LRRC37A2: variants seen among roughly 807,000 people sequenced by gnomAD.
LRRC37A2 encodes leucine rich repeat containing 37 member A2.
LRRC37A2 carries 9 observed loss-of-function variants against 68.8 expected under a neutral mutation model. That is an observed-to-expected ratio of 0.13 (90% confidence interval 0.08 to 0.23). The LOEUF is 0.23. Among genes scored for constraint, LRRC37A2 ranks in the 10% least tolerant of loss-of-function variants. The pLI is 1.00. For missense variants in LRRC37A2, 168 were observed against 950.4 expected (o/e 0.18, Z 10.82); for synonymous variants, 63 against 367.6 (o/e 0.17, Z 9.48).
the LRRC37A2 span, among the ~76,000 whole-genome samples, chr17:46,841,001 C>T: frequency 6.6e-6 from 1 of 152,126 alleles, no homozygotes; most frequent in African/African-American, 2.4e-5. Context: ...CTTTCCTGTG[C>T]CCCTGTGTCA....
chr17:46,935,690 G>A, the LRRC37A2 span: 2 of 989,580 alleles, frequency 2.0e-6, no homozygotes, highest in South Asian at 9.3e-5. Context: ...AGCTTCTAAA[G>A]CCCGTGCTGG....
chr17:46,869,399 C>T, the LRRC37A2 span, among the ~76,000 whole-genome samples: 1 of 152,196 alleles, frequency 6.6e-6, no homozygotes, highest in South Asian at 2.1e-4. Context: ...GGGTCTCTTC[C>T]CCTGGGCATC....
the LRRC37A2 span, among the ~76,000 whole-genome samples, chr17:47,015,101 G>C: frequency 7.3e-6 from 1 of 137,252 alleles, no homozygotes; most frequent in African/African-American, 2.7e-5. Context: ...TCCACCTCCC[G>C]GGTTCAAGTG....
the LRRC37A2 span, among the ~76,000 whole-genome samples, chr17:46,770,593 A>T: frequency 6.6e-6 from 1 of 152,012 alleles, no homozygotes; most frequent in Non-Finnish European, 1.5e-5. Context: ...CCTTTTTGTA[A>T]AATGGACACG....
At chr17:46,989,646 G>T in the LRRC37A2 span, among the ~76,000 whole-genome samples, 1 of 152,260 alleles carries the variant, frequency 6.6e-6, no homozygotes, top group Non-Finnish European at 1.5e-5. Context: ...CCACAGTGAT[G>T]CTGGGCTTGG....
chr17:46,464,033 C>G, the LRRC37A2 span, among the ~76,000 whole-genome samples: 2 of 28,444 alleles, frequency 7.0e-5, no homozygotes, highest in African/African-American at 3.2e-4. Context: ...AAGGTCGTTT[C>G]CTTTCCTGCT....
chr17:47,030,936 AC>A, the LRRC37A2 span, among the ~76,000 whole-genome samples: 315 of 152,164 alleles, frequency 2.1e-3, 1 homozygote, highest in African/African-American at 7.3e-3. Context: ...ATAGAGCCTA[AC>A]CTTCCAGGCT....
the LRRC37A2 span, chr17:46,978,664 G>C: frequency 8.7e-6 from 14 of 1,607,948 alleles, no homozygotes; most frequent in Non-Finnish European, 1.2e-5. Flanking sequence ...CCCCAGGATG[G>C]CTGCGCCCAC....
the LRRC37A2 span, chr17:46,749,927 T>C: frequency 1.9e-6 from 3 of 1,611,394 alleles, no homozygotes; most frequent in Non-Finnish European, 2.5e-6. Context: ...AGTCAATGGA[T>C]TGCACACTGT....
At chr17:46,525,690 A>G (rs79502567) in intron 6 of LRRC37A2, among the ~76,000 whole-genome samples, 4,384 of 117,340 alleles carry the variant, frequency 0.037, 194 homozygotes, top group East Asian at 0.22. Flanking sequence ...CCAGGAAAAC[A>G]CTGGAATCAC....
At chr17:46,986,968 A>AG in the LRRC37A2 span, among the ~76,000 whole-genome samples, 3 of 152,076 alleles carry the variant, frequency 2.0e-5, no homozygotes, top group African/African-American at 7.2e-5. Context: ...GTTGCAGGCC[A>AG]GGGGGGGTGG....
the LRRC37A2 span, among the ~76,000 whole-genome samples, chr17:46,999,975 G>A: frequency 7.4e-6 from 1 of 135,520 alleles, no homozygotes; most frequent in Middle Eastern, 4.3e-3. Context: ...CTCCAGCCTG[G>A]GCAACAGAGG....
the LRRC37A2 span, among the ~76,000 whole-genome samples, chr17:46,875,640 T>A: frequency 6.6e-6 from 1 of 152,154 alleles, no homozygotes; most frequent in South Asian, 2.1e-4. Flanking sequence ...TAGGACTAGG[T>A]CTGGTGAAGC....
the LRRC37A2 span, among the ~76,000 whole-genome samples, chr17:46,801,071 TATATCCTTTC>T: frequency 6.6e-6 from 1 of 152,220 alleles, no homozygotes; most frequent in Non-Finnish European, 1.5e-5. Flanking sequence ...TCACATGCGT[TATATCCTTTC>T]ATCCTCACAA....
At chr17:46,769,134 T>C in the LRRC37A2 span, among the ~76,000 whole-genome samples, 19 of 151,960 alleles carry the variant, frequency 1.3e-4, no homozygotes, top group African/African-American at 4.1e-4. Context: ...CTGGCCAACA[T>C]GGCGAAACCC....
At chr17:46,979,106 G>A in the LRRC37A2 span, 1 of 1,188,426 alleles carries the variant, frequency 8.4e-7, no homozygotes, top group Non-Finnish European at 1.1e-6. Flanking sequence ...CCTCGGACCG[G>A]CTCCTGCGGT....
At chr17:46,933,631 C>CTTTTTTTT in the LRRC37A2 span, 20 of 134,748 alleles carry the variant, frequency 1.5e-4, 1 homozygote, top group African/African-American at 2.9e-4. Context: ...GTGGCATAAC[C>CTTTTTTTT]TTTTTTTTTT....
At chr17:46,946,533 G>A in the LRRC37A2 span, among the ~76,000 whole-genome samples, 1 of 150,026 alleles carries the variant, frequency 6.7e-6, no homozygotes, top group African/African-American at 2.4e-5. Context: ...AATAGCTCAA[G>A]CTCAGTATTG....
chr17:46,859,400 AATG>A, the LRRC37A2 span, among the ~76,000 whole-genome samples: 1 of 152,174 alleles, frequency 6.6e-6, no homozygotes, highest in Non-Finnish European at 1.5e-5. Flanking sequence ...CATTTGTTGA[AATG>A]ATGATGTTTT....
Sources: allele counts gnomAD v4.1 joint callset (sites outside exome capture counted in the v4.1 genomes callset), GRCh38; gene constraint gnomAD v4.1.1; transcripts MANE v1.5; gene names NCBI Gene and HGNC (gene_info 2026-07-23, HGNC 2026-07-21).